Variants in EMC2 observed in about 807,000 individuals in gnomAD.
The protein encoded by EMC2 is ER membrane protein complex subunit 2.
EMC2 carries 37 observed loss-of-function variants against 51.6 expected under a neutral mutation model. That is an observed-to-expected ratio of 0.72 (90% CI 0.55 to 0.94). The LOEUF is 0.94. Among genes scored for constraint, EMC2 ranks in the 40% least tolerant of loss-of-function variants. EMC2 has a pLI of 0.00. For synonymous variants in EMC2, 131 were observed against 112.4 expected, an observed-to-expected ratio of 1.17 and a Z score of -1.04; for missense variants, 359 against 350.9, an observed-to-expected ratio of 1.02 and a Z score of -0.18.
intron 3 of EMC2, 90 bp from the exon 4 acceptor site, chr8:108,452,972 C>A: frequency 2.0e-6 from 1 of 506,956 alleles, no homozygotes; most frequent in South Asian, 4.6e-5. Flanking sequence ...TGAAATTATT[C>A]AAGAAGACAC....
intron 6 of EMC2, 71 bp from the exon 7 acceptor site, chr8:108,469,991 C>T (rs952937655): frequency 4.5e-6 from 7 of 1,539,908 alleles, no homozygotes; most frequent in Non-Finnish European, 9.0e-7. Context: ...ATTTGATTTT[C>T]CTGTTTGTTT....
At chr8:108,446,232 C>A in intron 1 of EMC2, 1 of 396,206 alleles carries the variant, frequency 2.5e-6, no homozygotes, top group Non-Finnish European at 5.2e-6. Flanking sequence ...CCAATATTTA[C>A]TCCAAGAAGT....
At chr8:108,443,918 CCCT>C (rs769797841) in intron 1 of EMC2, among the ~76,000 whole-genome samples, 5 of 152,172 alleles carry the variant, frequency 3.3e-5, no homozygotes, top group Non-Finnish European at 7.3e-5. Context: ...GGTTGACCTG[CCCT>C]CCTCCGCGCC....
At chr8:108,473,613 T>C (rs1337241225) in intron 7 of EMC2, among the ~76,000 whole-genome samples, 1 of 152,066 alleles carries the variant, frequency 6.6e-6, no homozygotes, top group African/African-American at 2.4e-5. Context: ...GTATTATACA[T>C]TAATTATGAT....
intron 5 of EMC2, among the ~76,000 whole-genome samples, chr8:108,465,472 G>A (rs1033559807): frequency 6.6e-6 from 1 of 152,194 alleles, no homozygotes; most frequent in Non-Finnish European, 1.5e-5. Context: ...ATTCTCTGAA[G>A]CCAGGGATTG....
chr8:108,472,252 G>A (rs1024655143), intron 7 of EMC2, among the ~76,000 whole-genome samples: 10 of 151,186 alleles, frequency 6.6e-5, no homozygotes, highest in African/African-American at 2.4e-4. Flanking sequence ...TCAAATTTAG[G>A]TTATACCTTA....
At chr8:108,476,451 T>C (rs1333162015) in intron 8 of EMC2, among the ~76,000 whole-genome samples, 1 of 151,934 alleles carries the variant, frequency 6.6e-6, no homozygotes, top group Non-Finnish European at 1.5e-5. Context: ...TCCACATTTA[T>C]AATGCCAGTA....
At chr8:108,470,503 T>A (rs1451494811) in intron 7 of EMC2, among the ~76,000 whole-genome samples, 3 of 152,202 alleles carry the variant, frequency 2.0e-5, no homozygotes, top group Non-Finnish European at 4.4e-5. Flanking sequence ...TACTCCCTGC[T>A]GTTTAAAAAT....
rs869162246 is a variant in EMC2, at chr8:108,456,332, C to CAA, written c.363+416_363+417dup. ...TGGGCGACAGAGCAAGACTTCGTGT[C>CAA]AAAAAAAAAAAAAAAGAAAAAAAAA... On this transcript the variant is annotated intron_variant, in intron 5 of 10. Coordinates refer to ENST00000220853, the MANE Select transcript of EMC2 (RefSeq NM_014673.5). Among the ~76,000 whole-genome samples, 80 of 23,472 alleles carry CAA rather than the reference C, an allele frequency of 3.4e-3. 3 individuals are homozygous for CAA. Among genetic ancestry groups the CAA allele is most frequent in the African/African-American group, 0.011 (58 of 5,216 alleles). 15.4% of individuals were successfully genotyped at this position (23,472 alleles called of 152,430 possible).
At chr8:108,467,186 T>C (rs1810739149) in intron 5 of EMC2, among the ~76,000 whole-genome samples, 1 of 152,198 alleles carries the variant, frequency 6.6e-6, no homozygotes, top group Admixed American at 6.5e-5. Context: ...CCAGTACTGT[T>C]TGGTATGAAT....
At chr8:108,483,635 ATC>A (rs1300938805) in intron 10 of EMC2, among the ~76,000 whole-genome samples, 3 of 152,202 alleles carry the variant, frequency 2.0e-5, no homozygotes, top group African/African-American at 7.2e-5. Context: ...CAAGCAAGGT[ATC>A]TCAGTTATTA....
At chr8:108,478,334 C>T (rs908168389) in intron 9 of EMC2, among the ~76,000 whole-genome samples, 7 of 151,946 alleles carry the variant, frequency 4.6e-5, no homozygotes, top group African/African-American at 1.4e-4. Context: ...GATTAAGAAC[C>T]GCTCATTTAA....
chr8:108,461,100 C>T (rs141107655), intron 5 of EMC2, among the ~76,000 whole-genome samples: 9 of 152,304 alleles, frequency 5.9e-5, no homozygotes, highest in Non-Finnish European at 8.8e-5. Flanking sequence ...CAGAAGACAT[C>T]GCCGTTTCTT....
chr8:108,449,136 A>G (rs1033009090), intron 1 of EMC2, among the ~76,000 whole-genome samples: 1 of 152,166 alleles, frequency 6.6e-6, no homozygotes, highest in African/African-American at 2.4e-5. Flanking sequence ...TTTAAGAGAC[A>G]GGGGTCTTGC....
At chr8:108,481,188 G>C (rs1811039112) in intron 10 of EMC2, among the ~76,000 whole-genome samples, 1 of 152,106 alleles carries the variant, frequency 6.6e-6, no homozygotes, top group South Asian at 2.1e-4. Context: ...TTTGGTGCTG[G>C]CTTTTTGTTG....
At chr8:108,462,213 T>TTGTGTGCGTGTGTGTGTGTGTGTG (rs756130562) in intron 5 of EMC2, among the ~76,000 whole-genome samples, 4 of 122,496 alleles carry the variant, frequency 3.3e-5, no homozygotes, top group Admixed American at 1.6e-4. Context: ...TGTGTGTGTT[T>TTGTGTGCGTGTGTGTGTGTGTGTG]TGTGTGCGTG....
Position 108,449,869 on chromosome 8 carries a change from T to C in EMC2, c.87T>C (p.Asn29=), listed in dbSNP as rs1554616579. The part of the protein sequence containing the change: ...MRKWREENSR[N]SEQIVEVGEE... ...AATGGAGAGAAGAAAACTCAAGAAA[T>C]AGTGAGCAAATTGTGGAAGTTGGAG... The change falls in exon 2 of 11, where the codon AAT becomes AAC. Residue 29 remains asparagine (N), a synonymous_variant. Transcript: ENST00000220853. 5 of 1,595,432 alleles carry C rather than the reference T, an allele frequency of 3.1e-6. No individual in the cohort carries two copies. In the Admixed American group the frequency reaches 8.4e-5, roughly 27 times the overall value.
Position 108,487,877 on chromosome 8 carries a change from T to G in EMC2, c.*1279T>G, listed in dbSNP as rs1250896707. Among the ~76,000 whole-genome samples, 1 of 152,198 alleles carries G rather than the reference T, an allele frequency of 6.6e-6. No individual in the cohort carries two copies. The highest frequency in any genetic ancestry group is 2.4e-5 in the African/African-American group (1 of 41,442). ...CTGCCACGAGTAATAGGCAGCTGATTAATATATTCTGTGAAAGAACTCTTC... is the reference window on the plus strand; with the variant it reads ...CTGCCACGAGTAATAGGCAGCTGATGAATATATTCTGTGAAAGAACTCTTC... On this transcript the variant is annotated 3_prime_UTR_variant, in exon 11 of 11. Coordinates refer to ENST00000220853, the MANE Select transcript of EMC2 (RefSeq NM_014673.5).
At chr8:108,449,985 CCT>C in intron 2 of EMC2, 49 bp downstream of exon 2, 1 of 626,494 alleles carries the variant, frequency 1.6e-6, no homozygotes, top group Non-Finnish European at 2.6e-6. Flanking sequence ...CATTCATGGG[CCT>C]TTTTTTTTTT....
Sources: allele counts gnomAD v4.1 joint callset (sites outside exome capture counted in the v4.1 genomes callset), GRCh38; gene constraint gnomAD v4.1.1; transcripts MANE v1.5; gene names NCBI Gene and HGNC (gene_info 2026-07-23, HGNC 2026-07-21).